ADAMTSL1: variants seen among roughly 807,000 people sequenced by gnomAD.
ADAMTSL1 encodes ADAMTS like 1.
ADAMTSL1 carries 126 observed loss-of-function variants against 201.8 expected under a neutral mutation model. That is an observed-to-expected ratio of 0.62 (90% confidence interval 0.54 to 0.72). ADAMTSL1 has a LOEUF of 0.72. Ranked by LOEUF, ADAMTSL1 falls within the 30% of genes least tolerant of loss-of-function variation. ADAMTSL1 has a pLI of 0.00. For missense variants in ADAMTSL1, 2,679 were observed against 2,277.8 expected, an observed-to-expected ratio of 1.18 and a Z score of -3.59; for synonymous variants, 1,121 against 903.4, an observed-to-expected ratio of 1.24 and a Z score of -4.32.
chr9:18,661,355 C>T lies in ADAMTSL1; in HGVS notation c.947-580C>T, dbSNP rs1829080295. On this transcript the variant is annotated intron_variant, in intron 8 of 28. Transcript: ENST00000380548. ...ACTAATTCTGCAGGGAAACAGGATT[C>T]GTGATGTCTACTGTTGGAATCTCAA... 2.6e-5 allele frequency among the ~76,000 whole-genome samples: 4 copies of T among 152,086 alleles called. No homozygotes were observed. In the South Asian group the frequency reaches 8.3e-4, roughly 32 times the overall value.
chr9:18,610,363 C>T (rs999862165), intron 4 of ADAMTSL1, among the ~76,000 whole-genome samples: 2 of 152,088 alleles, frequency 1.3e-5, no homozygotes, highest in Non-Finnish European at 2.9e-5. Flanking sequence ...TCTGAAAATT[C>T]GCTGCCTTGT....
intron 20 of ADAMTSL1, among the ~76,000 whole-genome samples, chr9:18,811,192 G>C (rs545431025): frequency 1.3e-3 from 194 of 152,192 alleles, no homozygotes; most frequent in African/African-American, 4.6e-3. Flanking sequence ...GGCTGAGCAG[G>C]GAGCCTAGAT....
At chr9:18,261,897 A>T (rs563464279) in intron 2 of ADAMTSL1, among the ~76,000 whole-genome samples, 2 of 152,340 alleles carry the variant, frequency 1.3e-5, no homozygotes, top group African/African-American at 2.4e-5. Context: ...AAATTGGTAA[A>T]TATGAAGGCT....
chr9:18,386,355 G>T (rs1253833956), intron 2 of ADAMTSL1, among the ~76,000 whole-genome samples: 1 of 152,150 alleles, frequency 6.6e-6, no homozygotes, highest in Admixed American at 6.5e-5. Flanking sequence ...AACCATGATG[G>T]TTAGTGGTGA....
chr9:18,394,420 TATTCCTGAC>T (rs1160956254), intron 2 of ADAMTSL1, among the ~76,000 whole-genome samples: 1 of 152,228 alleles, frequency 6.6e-6, no homozygotes, highest in African/African-American at 2.4e-5. Context: ...ATGGATATGA[TATTCCTGAC>T]ATTGTAAATG....
intron 2 of ADAMTSL1, among the ~76,000 whole-genome samples, chr9:18,387,527 AAT>A (rs1325085449): frequency 2.6e-5 from 4 of 152,176 alleles, no homozygotes; most frequent in African/African-American, 9.7e-5. Flanking sequence ...ATATAGTATT[AAT>A]GTTACATTTT....
chr9:18,711,305 G>A (rs1193848467), intron 14 of ADAMTSL1, among the ~76,000 whole-genome samples: 2 of 152,198 alleles, frequency 1.3e-5, no homozygotes, highest in South Asian at 2.1e-4. Flanking sequence ...CGCAGAAGAC[G>A]GGTGATTTCT....
intron 11 of ADAMTSL1, chr9:18,681,569 A>G (rs868125144): frequency 1.4e-4 from 38 of 271,334 alleles, no homozygotes; most frequent in Middle Eastern, 1.1e-3. Context: ...AAGATTGCTG[A>G]CTGATTAATC....
chr9:18,890,572 C>T (rs766497304), intron 25 of ADAMTSL1: 1 of 455,992 alleles, frequency 2.2e-6, no homozygotes, highest in South Asian at 1.5e-5. Context: ...TAAGGAGCAG[C>T]TGAAACCAGG....
At chr9:17,967,611 C>G (rs896915279) in intron 1 of ADAMTSL1, among the ~76,000 whole-genome samples, 1 of 152,058 alleles carries the variant, frequency 6.6e-6, no homozygotes, top group African/African-American at 2.4e-5. Flanking sequence ...ATAGATCATA[C>G]AGCCATAGTT....
chr9:18,444,129 A>G (rs944451256), intron 2 of ADAMTSL1, among the ~76,000 whole-genome samples: 2 of 152,200 alleles, frequency 1.3e-5, no homozygotes, highest in African/African-American at 4.8e-5. Context: ...AGGGTTTACC[A>G]TGATGTCTAG....
intron 5 of ADAMTSL1, among the ~76,000 whole-genome samples, chr9:18,625,072 A>G (rs1374389667): frequency 6.6e-6 from 1 of 152,138 alleles, no homozygotes; most frequent in Non-Finnish European, 1.5e-5. Flanking sequence ...GAGGCGACCC[A>G]CTGGCAGGGA....
At chr9:18,756,862 G>C (rs533472165) in intron 16 of ADAMTSL1, among the ~76,000 whole-genome samples, 1 of 152,162 alleles carries the variant, frequency 6.6e-6, no homozygotes, top group Non-Finnish European at 1.5e-5. Context: ...TCTCTTTCTG[G>C]GGGGAAGAAA....
chr9:18,026,939 A>G (rs1352333995), intron 1 of ADAMTSL1, among the ~76,000 whole-genome samples: 1 of 151,672 alleles, frequency 6.6e-6, no homozygotes, highest in Non-Finnish European at 1.5e-5. Context: ...CAATCTTGGG[A>G]GTTATGTGTT....
intron 14 of ADAMTSL1, among the ~76,000 whole-genome samples, chr9:18,710,105 C>T (rs986878680): frequency 5.3e-5 from 8 of 152,100 alleles, no homozygotes; most frequent in African/African-American, 1.9e-4. Flanking sequence ...AAGGTGAAGC[C>T]CTTAGAGTTT....
chr9:18,852,771 G>C (rs149531760), intron 23 of ADAMTSL1, among the ~76,000 whole-genome samples: 2 of 152,282 alleles, frequency 1.3e-5, no homozygotes, highest in African/African-American at 2.4e-5. Context: ...ATAGTGGGTT[G>C]ATAAACTGAC....
intron 1 of ADAMTSL1, among the ~76,000 whole-genome samples, chr9:18,484,045 C>A (rs1192503084): frequency 2.0e-5 from 3 of 152,168 alleles, no homozygotes; most frequent in African/African-American, 7.2e-5. Flanking sequence ...CATATGGGAT[C>A]TTGCATGTAG....
At chr9:18,193,743 C>A (rs1470433522) in intron 2 of ADAMTSL1, among the ~76,000 whole-genome samples, 1 of 152,144 alleles carries the variant, frequency 6.6e-6, no homozygotes, top group Non-Finnish European at 1.5e-5. Flanking sequence ...TTCACTGGGT[C>A]CCTGTATGGA....
intron 1 of ADAMTSL1, among the ~76,000 whole-genome samples, chr9:17,939,492 T>C (rs1013336092): frequency 6.6e-6 from 1 of 152,098 alleles, no homozygotes; most frequent in African/African-American, 2.4e-5. Flanking sequence ...CAGAAATCTG[T>C]AATATTCTTT....
Sources: allele counts gnomAD v4.1 joint callset (sites outside exome capture counted in the v4.1 genomes callset), GRCh38; gene constraint gnomAD v4.1.1; transcripts MANE v1.5; gene names NCBI Gene and HGNC (gene_info 2026-07-23, HGNC 2026-07-21).